NAA60: variants seen among roughly 807,000 people sequenced by gnomAD.
The protein encoded by NAA60 is N-alpha-acetyltransferase 60, NatF catalytic subunit.
A neutral mutation model predicts 26.1 loss-of-function variants in NAA60; 8 were observed. The ratio of observed to expected loss-of-function variants is 0.31; its 90% CI spans 0.18 to 0.55. The LOEUF is 0.55. NAA60 is among the 20% of genes least tolerant of loss of function. The pLI, the probability that NAA60 is intolerant of heterozygous loss-of-function variation, is 0.93. For synonymous variants in NAA60, 131 were observed against 122.5 expected, an observed-to-expected ratio of 1.07 and a Z score of -0.46; for missense variants, 290 against 311.3, an observed-to-expected ratio of 0.93 and a Z score of 0.51.
At chr16:3,484,455 A>AT in intron 6 of NAA60, 1 of 578,784 alleles carries the variant, frequency 1.7e-6, no homozygotes, top group Non-Finnish European at 3.1e-6. Context: ...TGGTGTCCAC[A>AT]TGCCTGCTGC....
intron 2 of NAA60, chr16:3,457,960 G>T: frequency 1.0e-6 from 1 of 984,530 alleles, no homozygotes; most frequent in Non-Finnish European, 1.2e-6. Flanking sequence ...GCCTCAGGGG[G>T]CGGGGCCACG....
intron 2 of NAA60, among the ~76,000 whole-genome samples, chr16:3,458,796 A>G (rs1055189901): frequency 6.6e-5 from 10 of 151,934 alleles, no homozygotes; most frequent in African/African-American, 2.4e-4. Flanking sequence ...GCCCTACAGA[A>G]CCCACACCCC....
At chr16:3,464,661 T>TA (rs2035625059) in intron 2 of NAA60, among the ~76,000 whole-genome samples, 1 of 152,192 alleles carries the variant, frequency 6.6e-6, no homozygotes, top group Non-Finnish European at 1.5e-5. Flanking sequence ...TTCAAGTAAA[T>TA]ACGTTTTACT....
intron 6 of NAA60, among the ~76,000 whole-genome samples, chr16:3,483,961 C>G (rs1055123132): frequency 1.3e-5 from 2 of 152,160 alleles, no homozygotes; most frequent in African/African-American, 4.8e-5. Flanking sequence ...CCTGTCCTCC[C>G]AGAGCCTGTG....
chr16:3,483,286 CA>C, intron 5 of NAA60, 76 bp from the exon 6 acceptor site: 1 of 1,083,444 alleles, frequency 9.2e-7, no homozygotes, highest in Admixed American at 2.1e-5. Flanking sequence ...GAGACTCATG[CA>C]AAGCCCCCAT....
chr16:3,469,903 C>T (rs988689506), intron 2 of NAA60, among the ~76,000 whole-genome samples: 1 of 152,232 alleles, frequency 6.6e-6, no homozygotes, highest in Non-Finnish European at 1.5e-5. Flanking sequence ...CTGCATCATG[C>T]TGGGCCTCAG....
At chr16:3,475,508 C>G (rs1206268773) in intron 2 of NAA60, among the ~76,000 whole-genome samples, 1 of 152,194 alleles carries the variant, frequency 6.6e-6, no homozygotes, top group Non-Finnish European at 1.5e-5. Context: ...CTCTTCCTTT[C>G]TATACAAACT....
chr16:3,471,674 G>T (rs555257242), intron 2 of NAA60, among the ~76,000 whole-genome samples: 1 of 152,246 alleles, frequency 6.6e-6, no homozygotes, highest in South Asian at 2.1e-4. Flanking sequence ...TGGTTTCGCA[G>T]GTTGCCTGTG....
At chr16:3,483,713 T>C (rs938256507) in intron 6 of NAA60, 116 bp downstream of exon 6, 2 of 767,656 alleles carry the variant, frequency 2.6e-6, no homozygotes, top group African/African-American at 1.8e-5. Flanking sequence ...GCCAAGCTTA[T>C]GGATGCTTCT....
At position 3,476,213 on chromosome 16, in the gene NAA60, T is replaced by A; in HGVS notation, c.-6-9T>A. On this transcript the variant is annotated splice_polypyrimidine_tract_variant and intron_variant, in intron 2 of 7. Transcript: ENST00000407558. ...TGAGGTGACGCGTCCCCCCCACCCTTCCCCACAGGTGTGAATGACAGAGGT... is the reference window on the plus strand; with the variant it reads ...TGAGGTGACGCGTCCCCCCCACCCTACCCCACAGGTGTGAATGACAGAGGT... 1.3e-6 allele frequency: 2 copies of A among 1,593,818 alleles called. No homozygotes were observed. The highest frequency in any genetic ancestry group is 1.7e-6 in the Non-Finnish European group (2 of 1,165,300).
Position 3,481,156 on chromosome 16 carries a change from A to G in NAA60, c.241-1346A>G, listed in dbSNP as rs144550583. Among the ~76,000 whole-genome samples, 190 of 151,862 alleles carry G rather than the reference A, an allele frequency of 1.3e-3. 1 individual carries two copies. Among genetic ancestry groups the G allele is most frequent in the African/African-American group, 4.2e-3 (172 of 41,388 alleles). On this transcript the variant is annotated intron_variant, in intron 4 of 7. Coordinates refer to ENST00000407558, the MANE Select transcript of NAA60 (RefSeq NM_001083601.3). ...TTTTTTATTGAAACGGAGTCTCACT[A>G]TCACCCAGGGTGGAGTGCAGTGATG...
intron 3 of NAA60, among the ~76,000 whole-genome samples, chr16:3,478,806 G>C (rs1325924504): frequency 6.6e-6 from 1 of 152,162 alleles, no homozygotes; most frequent in Non-Finnish European, 1.5e-5. Flanking sequence ...AAGTCTCACA[G>C]ATTCTCGTAG....
chr16:3,445,922 T>C (rs1310310885), intron 1 of NAA60, among the ~76,000 whole-genome samples: 1 of 152,106 alleles, frequency 6.6e-6, no homozygotes, highest in African/African-American at 2.4e-5. Flanking sequence ...ACATACAAAG[T>C]CCAAGATAGA....
At chr16:3,473,746 G>GTTT (rs200487332) in intron 2 of NAA60, among the ~76,000 whole-genome samples, 2 of 141,402 alleles carry the variant, frequency 1.4e-5, no homozygotes, top group Non-Finnish European at 3.1e-5. Context: ...TGTTGTTGTT[G>GTTT]TTTTTTGAGA....
At position 3,477,570 on chromosome 16, in the gene NAA60, GTGGGTGGAT is replaced by G. The variant is rs1426060192; in HGVS notation, c.110+1234_110+1242del. Among the ~76,000 whole-genome samples the G allele has an allele frequency of 4.7e-3, 704 of 150,822 alleles. 5 individuals are homozygous for G. Among genetic ancestry groups the G allele is most frequent in the Admixed American group, 0.029 (415 of 14,522 alleles). On this transcript the variant is annotated intron_variant, in intron 3 of 7. Coordinates refer to ENST00000407558, the MANE Select transcript of NAA60 (RefSeq NM_001083601.3). ...AATCCCAGCACTTTGGGAGGCCAAG[GTGGGTGGAT>G]CACCTGAGGTCAGGAGTTCGAGACC...
chr16:3,462,433 C>G (rs1401611472), intron 2 of NAA60, among the ~76,000 whole-genome samples: 1 of 152,198 alleles, frequency 6.6e-6, no homozygotes, highest in Non-Finnish European at 1.5e-5. Context: ...CTCATTCTGA[C>G]TCCTGCTGTA....
At chr16:3,467,079 T>C (rs2035811191) in intron 2 of NAA60, among the ~76,000 whole-genome samples, 1 of 151,582 alleles carries the variant, frequency 6.6e-6, no homozygotes, top group African/African-American at 2.4e-5. Flanking sequence ...TGTCAGACAG[T>C]GGGTGCTTGG....
At chr16:3,475,223 G>A (rs2036405708) in intron 2 of NAA60, among the ~76,000 whole-genome samples, 1 of 151,812 alleles carries the variant, frequency 6.6e-6, no homozygotes, top group Non-Finnish European at 1.5e-5. Flanking sequence ...CACAGTAACT[G>A]GGATTACAGT....
At chr16:3,469,579 G>T (rs1380525534) in intron 2 of NAA60, among the ~76,000 whole-genome samples, 3 of 122,608 alleles carry the variant, frequency 2.4e-5, no homozygotes, top group Non-Finnish European at 3.6e-5. Context: ...CTGCCTGGTG[G>T]GGCCTGTCTC....
Sources: allele counts gnomAD v4.1 joint callset (sites outside exome capture counted in the v4.1 genomes callset), GRCh38; gene constraint gnomAD v4.1.1; transcripts MANE v1.5; gene names NCBI Gene and HGNC (gene_info 2026-07-23, HGNC 2026-07-21).